Variants in ACOXL observed in about 807,000 individuals in gnomAD.
ACOXL encodes the protein acyl-CoA oxidase like.
ACOXL carries 70 observed loss-of-function variants against 71.9 expected under a neutral mutation model. The observed-to-expected ratio is 0.97, with a 90% confidence interval of 0.80 to 1.19. The LOEUF (loss-of-function observed/expected upper bound fraction) is 1.19, where lower values mean the gene tolerates loss of function less well. ACOXL is among the 50% of genes most tolerant of loss of function. ACOXL has a pLI of 0.00. For missense variants in ACOXL, 703 were observed against 736.3 expected, an observed-to-expected ratio of 0.95 and a Z score of 0.52; for synonymous variants, 253 against 281.6, an observed-to-expected ratio of 0.90 and a Z score of 1.02.
chr2:111,053,397 G>A (rs1312907208), intron 16 of ACOXL, among the ~76,000 whole-genome samples: 1 of 152,126 alleles, frequency 6.6e-6, no homozygotes, highest in Non-Finnish European at 1.5e-5. Flanking sequence ...GTGAGTGAAA[G>A]GGGCACCATT....
intron 12 of ACOXL, among the ~76,000 whole-genome samples, chr2:110,961,987 G>A (rs1319803302): frequency 6.6e-6 from 1 of 152,164 alleles, no homozygotes; most frequent in East Asian, 1.9e-4. Flanking sequence ...ATGAGATTTG[G>A]GTGGGGACAC....
chr2:110,812,433 A>G (rs1023038104), intron 9 of ACOXL, among the ~76,000 whole-genome samples: 2 of 152,092 alleles, frequency 1.3e-5, no homozygotes, highest in Admixed American at 6.5e-5. Context: ...CCAGTACCCA[A>G]TAGTTACCTT....
intron 10 of ACOXL, among the ~76,000 whole-genome samples, chr2:110,877,881 G>C (rs1024022452): frequency 6.6e-6 from 1 of 152,208 alleles, no homozygotes; most frequent in Non-Finnish European, 1.5e-5. Context: ...TGCATCTGGG[G>C]AGAGCACTGC....
chr2:110,944,437 C>T (rs532595288), intron 12 of ACOXL, among the ~76,000 whole-genome samples: 5 of 152,110 alleles, frequency 3.3e-5, no homozygotes, highest in African/African-American at 1.2e-4. Flanking sequence ...GTTTGGTTTA[C>T]AGCTAATTTC....
intron 10 of ACOXL, among the ~76,000 whole-genome samples, chr2:110,898,088 G>C (rs2059086916): frequency 6.6e-6 from 1 of 152,130 alleles, no homozygotes; most frequent in African/African-American, 2.4e-5. Flanking sequence ...TAAGGAAATT[G>C]AACTCATGAT....
At chr2:110,794,514 A>G (rs2105271753) in intron 5 of ACOXL, among the ~76,000 whole-genome samples, 1 of 152,346 alleles carries the variant, frequency 6.6e-6, no homozygotes, top group Non-Finnish European at 1.5e-5. Flanking sequence ...TAGCAGTAGC[A>G]GGAACAGACT....
intron 15 of ACOXL, among the ~76,000 whole-genome samples, chr2:111,046,122 G>A (rs960924408): frequency 1.3e-5 from 2 of 152,210 alleles, no homozygotes; most frequent in African/African-American, 4.8e-5. Flanking sequence ...AGGGAACAGG[G>A]GAGACTTAGA....
intron 9 of ACOXL, among the ~76,000 whole-genome samples, chr2:110,832,356 G>A (rs1689933542): frequency 6.6e-6 from 1 of 151,830 alleles, no homozygotes; most frequent in African/African-American, 2.4e-5. Flanking sequence ...GGCTAACAAG[G>A]TGAAACCCCG....
intron 16 of ACOXL, among the ~76,000 whole-genome samples, chr2:111,052,014 GAC>G (rs1281367699): frequency 6.6e-6 from 1 of 152,174 alleles, no homozygotes. Context: ...ATGCTCTATA[GAC>G]AGACTGCCAA....
rs1384621760 is a variant in ACOXL, at chr2:111,117,752, C to T, written c.1679C>T (p.Pro560Leu). 4.4e-5 allele frequency: 68 copies of T among 1,551,360 alleles called. No individual in the cohort carries two copies. The highest frequency in any genetic ancestry group is 5.8e-5 in the Non-Finnish European group (67 of 1,146,982). Reference protein sequence around the residue: ...PRAAWAFYPAPLQPRPREEAR... With the variant: ...PRAAWAFYPALLQPRPREEAR... ...GCCGCGTGGGCTTTCTACCCTGCAC[C>T]GCTGCAGCCGCGGCCACGGGAAGAG... Residue 560 changes from proline to leucine, a missense_variant, in exon 18 of 18, where the codon CCG becomes CTG. By Grantham distance (98) the Pro-to-Leu change is moderately conservative (BLOSUM62 -3). Transcript: ENST00000439055.
intron 15 of ACOXL, among the ~76,000 whole-genome samples, chr2:111,041,882 C>T (rs1347965995): frequency 1.3e-5 from 2 of 152,210 alleles, no homozygotes; most frequent in African/African-American, 4.8e-5. Flanking sequence ...GACTTTGTGC[C>T]TGAGCCAAAG....
chr2:111,086,662 A>G (rs2068223096), intron 16 of ACOXL, among the ~76,000 whole-genome samples: 2 of 152,202 alleles, frequency 1.3e-5, no homozygotes, highest in Admixed American at 1.3e-4. Context: ...ATACTTGAAC[A>G]TAGTAAGAGT....
chr2:111,105,900 T>C (rs1310183079), intron 17 of ACOXL, among the ~76,000 whole-genome samples: 2 of 152,214 alleles, frequency 1.3e-5, no homozygotes, highest in Non-Finnish European at 2.9e-5. Flanking sequence ...ATTGTTTTTT[T>C]CTCCCTTGTA....
chr2:110,807,021 C>T (rs1686733696), intron 9 of ACOXL, among the ~76,000 whole-genome samples: 1 of 152,178 alleles, frequency 6.6e-6, no homozygotes, highest in African/African-American at 2.4e-5. Flanking sequence ...CTAAAAGGTT[C>T]CTGTTCTCCG....
chr2:110,792,853 T>C (rs1253096234), intron 3 of ACOXL, among the ~76,000 whole-genome samples: 1 of 152,182 alleles, frequency 6.6e-6, no homozygotes, highest in East Asian at 1.9e-4. Flanking sequence ...GCTTGGTGGT[T>C]GACTCTCACT....
At chr2:110,789,111 C>A (rs1684347112) in intron 3 of ACOXL, among the ~76,000 whole-genome samples, 1 of 152,248 alleles carries the variant, frequency 6.6e-6, no homozygotes, top group Non-Finnish European at 1.5e-5. Flanking sequence ...TTTGTACTCA[C>A]ACAGCCAAGT....
intron 3 of ACOXL, among the ~76,000 whole-genome samples, chr2:110,791,171 A>G (rs980620675): frequency 6.6e-6 from 1 of 152,226 alleles, no homozygotes; most frequent in Non-Finnish European, 1.5e-5. Flanking sequence ...TTTGTGGGAA[A>G]TGAACCCCAC....
rs2060795475 is a variant in ACOXL, at chr2:110,939,611, A to G, written c.1059+5969A>G. On this transcript the variant is annotated intron_variant, in intron 12 of 17. Coordinates refer to ENST00000439055, the MANE Select transcript of ACOXL (RefSeq NM_001142807.4). ...ACAACACTATAGAAAACATTCTAGT[A>G]CCTTGGCACCTAACTTTTATTTTTG... 2.0e-5 allele frequency among the ~76,000 whole-genome samples: 3 copies of G among 152,232 alleles called. No individual in the cohort carries two copies. In the South Asian group the frequency reaches 6.2e-4, roughly 32 times the overall value.
At chr2:110,867,143 C>T (rs771025622) in intron 10 of ACOXL, among the ~76,000 whole-genome samples, 2 of 151,960 alleles carry the variant, frequency 1.3e-5, no homozygotes, top group Non-Finnish European at 2.9e-5. Context: ...AAGTTAGGTG[C>T]GACTGGAGAA....
Sources: allele counts gnomAD v4.1 joint callset (sites outside exome capture counted in the v4.1 genomes callset), GRCh38; gene constraint gnomAD v4.1.1; transcripts MANE v1.5; gene names NCBI Gene and HGNC (gene_info 2026-07-23, HGNC 2026-07-21).